EMC1: variants seen among roughly 807,000 people sequenced by gnomAD.
EMC1 encodes ER membrane protein complex subunit 1.
A neutral mutation model predicts 128.8 loss-of-function variants in EMC1; 103 were observed. That is an observed-to-expected ratio of 0.80 (90% CI 0.68 to 0.94). The LOEUF (loss-of-function observed/expected upper bound fraction) is 0.94. Among genes scored for constraint, EMC1 ranks in the 40% least tolerant of loss-of-function variants. The pLI, the probability that EMC1 is intolerant of heterozygous loss-of-function variation, is 0.00. For synonymous variants in EMC1, 442 were observed against 490.4 expected (o/e 0.90, Z 1.30); for missense variants, 1,083 against 1,250.6 (o/e 0.87, Z 2.02).
chr1:19,248,464 A>C (rs946187408), intron 1 of EMC1, among the ~76,000 whole-genome samples: 2 of 152,074 alleles, frequency 1.3e-5, no homozygotes, highest in Non-Finnish European at 1.5e-5. Flanking sequence ...CTCTGTTGCC[A>C]GGCTGAGTGC....
chr1:19,250,717 T>G (rs1427530743), intron 1 of EMC1, among the ~76,000 whole-genome samples: 1 of 152,216 alleles, frequency 6.6e-6, no homozygotes, highest in Admixed American at 6.5e-5. Context: ...TCACAAGTAC[T>G]GTAAGAGATA....
intron 20 of EMC1, 108 bp from the exon 21 acceptor site, chr1:19,220,956 G>T (rs1405825256): frequency 2.9e-6 from 2 of 692,642 alleles, no homozygotes; most frequent in Middle Eastern, 2.5e-4. Context: ...ACAAAAAAAT[G>T]GGTCAATGAG....
intron 17 of EMC1, among the ~76,000 whole-genome samples, chr1:19,229,173 G>C (rs957248143): frequency 1.3e-5 from 2 of 152,228 alleles, no homozygotes; most frequent in African/African-American, 4.8e-5. Context: ...CTGGGGAGGG[G>C]AAGACCGCTG....
chr1:19,244,592 A>G (rs2151963481), intron 2 of EMC1: 1 of 272,914 alleles, frequency 3.7e-6, no homozygotes, highest in Non-Finnish European at 7.1e-6. Flanking sequence ...AATTTTAGAC[A>G]TGGGGCCTCA....
At chr1:19,230,611 G>C (rs1384698637) in intron 17 of EMC1, among the ~76,000 whole-genome samples, 1 of 152,046 alleles carries the variant, frequency 6.6e-6, no homozygotes, top group African/African-American at 2.4e-5. Flanking sequence ...AGCTCCACAA[G>C]GGCAGAGATT....
intron 7 of EMC1, 38 bp downstream of exon 7, chr1:19,240,259 A>G: frequency 6.2e-7 from 1 of 1,612,426 alleles, no homozygotes; most frequent in Non-Finnish European, 8.5e-7. Context: ...CCCCGCAGGA[A>G]ATGCCTCAGG....
intron 1 of EMC1, among the ~76,000 whole-genome samples, chr1:19,246,358 C>G (rs1231637892): frequency 1.3e-5 from 2 of 152,122 alleles, no homozygotes; most frequent in African/African-American, 4.8e-5. Context: ...TCACTGAACT[C>G]CATCCTGGGC....
chr1:19,220,685 G>C, intron 21 of EMC1, 79 bp downstream of exon 21: 1 of 1,206,916 alleles, frequency 8.3e-7, no homozygotes. Context: ...AAGGCACACA[G>C]AGACCAAGAA....
rs2093448405 is a variant in EMC1, at chr1:19,223,555, G to A, written c.2217C>T (p.Asn739=). ...RSVLYKSLNP[N]LLAVVTESTD... is the part of the protein sequence containing the mutation. The stretch of plus-strand genomic sequence containing the variant: ...TGCTCTCTGTCACCACGGCCAGCAG[G>A]TTGGGGTTCAGGCTCTGGAGAGAGA... The change falls in exon 19 of 23, where the codon AAC becomes AAT. Residue 739 remains asparagine (N), a synonymous_variant. Coordinates refer to ENST00000477853, the MANE Select transcript of EMC1 (RefSeq NM_015047.3). 9 of 1,613,994 alleles carry A rather than the reference G, an allele frequency of 5.6e-6. No homozygotes were observed. Among genetic ancestry groups the A allele is most frequent in the Non-Finnish European group, 7.6e-6 (9 of 1,180,018 alleles).
chr1:19,236,828 C>T (rs1174122793), intron 12 of EMC1, among the ~76,000 whole-genome samples: 4 of 151,222 alleles, frequency 2.6e-5, no homozygotes, highest in African/African-American at 7.3e-5. Flanking sequence ...ATTAGCTGGT[C>T]GTGGTGGCAC....
At chr1:19,222,960 A>C in intron 19 of EMC1, 126 bp from the exon 20 acceptor site, 1 of 682,058 alleles carries the variant, frequency 1.5e-6, no homozygotes, top group Non-Finnish European at 2.5e-6. Flanking sequence ...CTAGCACCTC[A>C]CTTTTCTTCC....
At chr1:19,238,352 T>A (rs10489533) in intron 10 of EMC1, among the ~76,000 whole-genome samples, 12,608 of 152,268 alleles carry the variant, frequency 0.083, 639 homozygotes, top group Non-Finnish European at 0.12. Flanking sequence ...CTACCATACT[T>A]GTCTTGGAAG....
rs1345784060 is a variant in EMC1 at position 19,243,680 on chromosome 1, C to T, written c.314G>A (p.Arg105Gln). 6.8e-6 allele frequency: 11 copies of T among 1,614,074 alleles called. No homozygotes were observed. Among genetic ancestry groups the T allele is most frequent in the South Asian group, 1.1e-5 (1 of 91,082 alleles). Residue 105 changes from arginine to glutamine, a missense_variant, in exon 4 of 23, where the codon CGA (arginine) becomes CAA (glutamine). Physicochemically the swap from Arg to Gln is conservative, Grantham distance 43. This residue lies in a region of EMC1 where 544 missense variants were observed against 572.4 expected (regional missense o/e 0.95). Transcript: ENST00000477853. ...QDVITVSNGGRIMRSWETNIG... is the reference protein window; with the variant it reads ...QDVITVSNGGQIMRSWETNIG... Reference sequence around the variant, plus strand: ...GTTAGTCTCCCAGGAACGCATGATTCGGCCTCCATTGGACACAGTGATCAC... The same window carrying T: ...GTTAGTCTCCCAGGAACGCATGATTTGGCCTCCATTGGACACAGTGATCAC...
rs780784852 is a variant in EMC1, at chr1:19,231,375, C to T, written c.1830G>A (p.Lys610=). 3 of 1,612,030 alleles carry T rather than the reference C, an allele frequency of 1.9e-6. No individual in the cohort carries two copies. The South Asian group carries it at 3.3e-5, about 18-fold the overall frequency. Residue 610 remains lysine, a synonymous_variant, in exon 16 of 23, where the codon AAG becomes AAA. Coordinates refer to ENST00000477853, the MANE Select transcript of EMC1 (RefSeq NM_015047.3). ...SLYVFNPIFG[K]WSQVAPPVLK... Reference sequence around the variant, plus strand: ...GCACTGGGGGAGCTACCTGACTCCACTTCCCAAAAATGGGATTGAAGACAT... The same window carrying T: ...GCACTGGGGGAGCTACCTGACTCCATTTCCCAAAAATGGGATTGAAGACAT...
Position 19,217,994 on chromosome 1 carries a change from A to G in EMC1, c.*1309T>C, listed in dbSNP as rs2093405693. 3.3e-5 allele frequency: 5 copies of G among 152,242 alleles called. No homozygotes were observed. The highest frequency in any genetic ancestry group is 3.3e-4 in the Admixed American group (5 of 15,290). The allele number at this position is 152,242 out of a possible 1,614,324, so 9.4% of individuals were successfully genotyped here. On this transcript the variant is annotated 3_prime_UTR_variant, in exon 23 of 23. Coordinates refer to ENST00000477853, the MANE Select transcript of EMC1 (RefSeq NM_015047.3). ...ACTGACCTTTCCTTACTAAAATAAA[A>G]TACACTTACTCCATGTCTTCACTGC...
rs1419433137 is a variant in EMC1 at position 19,219,259 on chromosome 1, C to G, written c.*44G>C. On this transcript the variant is annotated 3_prime_UTR_variant, in exon 23 of 23. Transcript: ENST00000477853. ...CTGCAGCTGTAGCTGCTTATCTGAC[C>G]CACACTCCCCTGGCTCTCCACTTTT... 6.2e-7 allele frequency: 1 copy of G among 1,604,034 alleles called. No individual in the cohort carries two copies. The highest frequency in any genetic ancestry group is 1.3e-5 in the African/African-American group (1 of 74,832).
chr1:19,220,575 G>A (rs1414010437), intron 21 of EMC1, 189 bp downstream of exon 21: 2 of 468,478 alleles, frequency 4.3e-6, no homozygotes, highest in Non-Finnish European at 7.7e-6. Context: ...TTTATCTTAT[G>A]TATTTATTGT....
chr1:19,237,014 C>G, intron 12 of EMC1, 128 bp downstream of exon 12: 1 of 533,800 alleles, frequency 1.9e-6, no homozygotes, highest in Non-Finnish European at 3.4e-6. Flanking sequence ...TGGCTATGAA[C>G]GAAACACTCA....
At chr1:19,248,003 G>A (rs371584011) in intron 1 of EMC1, among the ~76,000 whole-genome samples, 46 of 148,688 alleles carry the variant, frequency 3.1e-4, no homozygotes, top group Admixed American at 2.5e-3. Flanking sequence ...CAGGCTGAGC[G>A]ACAGAGTAAG....
Sources: allele counts gnomAD v4.1 joint callset (sites outside exome capture counted in the v4.1 genomes callset), GRCh38; gene constraint gnomAD v4.1.1; regional missense constraint gnomAD v4.1.1; transcripts MANE v1.5; gene names NCBI Gene and HGNC (gene_info 2026-07-23, HGNC 2026-07-21).